SNX5: variants seen among roughly 807,000 people sequenced by gnomAD.
The protein encoded by SNX5 is sorting nexin 5.
SNX5 carries 31 observed loss-of-function variants against 53.9 expected under a neutral mutation model. That is an observed-to-expected ratio of 0.58 (90% confidence interval 0.43 to 0.78). SNX5 has a LOEUF of 0.78. SNX5 is among the 30% of genes least tolerant of loss of function. The probability of loss-of-function intolerance (pLI) is 0.00; values close to 1 mark genes in which losing one functional copy is unlikely to be tolerated. For missense variants in SNX5, 471 were observed against 478.8 expected (o/e 0.98, Z 0.15); for synonymous variants, 168 against 171.1 (o/e 0.98, Z 0.14).
In SNX5 at chr20:17,968,569, T is replaced by C. The variant is rs2122457024; in HGVS notation, c.-144A>G. On this transcript the variant is annotated 5_prime_UTR_variant, in exon 1 of 13. Coordinates refer to ENST00000377759, the MANE Select transcript of SNX5 (RefSeq NM_014426.4). Reference sequence around the variant, plus strand: ...CCCTGCCCGACGGCGGCAGGAGGCCTCCGGACTCCGCCACCATCCCAGCTG... The same window carrying C: ...CCCTGCCCGACGGCGGCAGGAGGCCCCCGGACTCCGCCACCATCCCAGCTG... 1.4e-6 allele frequency: 1 copy of C among 734,560 alleles called. No homozygotes were observed. Among genetic ancestry groups the C allele is most frequent in the Admixed American group, 2.6e-5 (1 of 38,284 alleles). The allele number at this position is 734,560 out of a possible 1,614,324, so 45.5% of individuals were successfully genotyped here.
chr20:17,963,842 T>G (rs12480850), intron 1 of SNX5, among the ~76,000 whole-genome samples: 38,256 of 152,172 alleles, frequency 0.25, 5,512 homozygotes, highest in East Asian at 0.44. Flanking sequence ...CTTGGTCATC[T>G]CAGTTTGAAA....
At chr20:17,947,841 T>C (rs960037722) in intron 10 of SNX5, among the ~76,000 whole-genome samples, 196 bp from the exon 11 acceptor site, 8 of 152,230 alleles carry the variant, frequency 5.3e-5, no homozygotes, top group Non-Finnish European at 8.8e-5. Flanking sequence ...TTTTTTAGAA[T>C]TCCTTATATG....
At chr20:17,966,983 A>T (rs1324894457) in intron 1 of SNX5, among the ~76,000 whole-genome samples, 2 of 152,194 alleles carry the variant, frequency 1.3e-5, no homozygotes, top group East Asian at 3.8e-4. Context: ...AAAGGAAAAC[A>T]ATGTCATGTA....
At chr20:17,961,973 TATTA>T in intron 1 of SNX5, 4 of 975,468 alleles carry the variant, frequency 4.1e-6, no homozygotes, top group Non-Finnish European at 4.9e-6. Flanking sequence ...TGTCCACAAA[TATTA>T]AAGATTCACA....
intron 1 of SNX5, chr20:17,961,626 C>T (rs1299370315): frequency 2.0e-6 from 2 of 984,100 alleles, no homozygotes; most frequent in African/African-American, 1.7e-5. Flanking sequence ...AAAAAAGACA[C>T]ATATCTATTT....
At chr20:17,962,168 C>A in intron 1 of SNX5, 8 of 162,026 alleles carry the variant, frequency 4.9e-5, no homozygotes, top group Non-Finnish European at 1.0e-4. Context: ...ACAACTGGTT[C>A]AACTAACTAT....
chr20:17,950,064 T>C (rs143199065), intron 8 of SNX5, 68 bp downstream of exon 8: 4 of 1,371,814 alleles, frequency 2.9e-6, no homozygotes, highest in South Asian at 2.4e-5. Flanking sequence ...TACTCATTTA[T>C]GCTTTTAATT....
rs1429918767 is a variant in SNX5 at position 17,942,035 on chromosome 20, G to A, written c.*322C>T. ...GGGTTTGTAGGGACATGGGCCAGGT[G>A]ATGGCTTCTACTTGTTTCCAGAAGG... On this transcript the variant is annotated 3_prime_UTR_variant, in exon 13 of 13. Coordinates refer to ENST00000377759, the MANE Select transcript of SNX5 (RefSeq NM_014426.4). 1 of 222,084 alleles carries A rather than the reference G, an allele frequency of 4.5e-6. No homozygotes were observed. Among genetic ancestry groups the A allele is most frequent in the Non-Finnish European group, 9.0e-6 (1 of 111,258 alleles). 13.8% of individuals were successfully genotyped at this position (222,084 alleles called of 1,614,324 possible). A position where few individuals can be genotyped will look rare whatever the true frequency, so the allele number is the denominator to read the frequency against.
intron 11 of SNX5, chr20:17,944,421 A>C (rs1028011304): frequency 7.2e-5 from 11 of 152,394 alleles, no homozygotes; most frequent in African/African-American, 2.6e-4. Flanking sequence ...ATGCAATACA[A>C]TGACTTGTCG....
chr20:17,954,278 T>C (rs1429199236), intron 3 of SNX5, 161 bp from the exon 4 acceptor site: 4 of 1,140,906 alleles, frequency 3.5e-6, no homozygotes, highest in Non-Finnish European at 4.8e-6. Context: ...CCTTAACTCT[T>C]CTGGACATTT....
intron 5 of SNX5, 68 bp from the exon 6 acceptor site, chr20:17,951,663 G>A (rs2039570546): frequency 1.9e-6 from 2 of 1,077,338 alleles, no homozygotes; most frequent in South Asian, 1.3e-5. Flanking sequence ...AAGAAGTTCT[G>A]AGTAACATTT....
intron 1 of SNX5, among the ~76,000 whole-genome samples, chr20:17,960,170 C>A (rs958720193): frequency 3.9e-5 from 6 of 152,168 alleles, no homozygotes; most frequent in African/African-American, 1.4e-4. Context: ...AGTTTTAAAA[C>A]TGACTTCTGG....
At chr20:17,949,230 A>G (rs894269489) in intron 8 of SNX5, 127 bp from the exon 9 acceptor site, 1 of 749,120 alleles carries the variant, frequency 1.3e-6, no homozygotes, top group Non-Finnish European at 2.2e-6. Flanking sequence ...CATTAATTTA[A>G]AAGTAGTGCT....
chr20:17,947,854 T>C (rs1600334667), intron 10 of SNX5, among the ~76,000 whole-genome samples: 1 of 152,234 alleles, frequency 6.6e-6, no homozygotes, highest in East Asian at 1.9e-4. Flanking sequence ...CTTATATGAA[T>C]CAAGTGATTA....
In SNX5 at chr20:17,952,612, T is replaced by A. The variant is rs752213767; in HGVS notation, c.488A>T (p.His163Leu). ...HPVLSKDRNF[H>L]VFLEYDQDLS... ...ATCCTGATCATATTCCAGGAAAACA[T>A]GAAAGTTGCGATCTTTACTGAGAAC... Residue 163 changes from histidine (H) to leucine (L), a missense_variant, in exon 5 of 13, where the codon CAT becomes CTT. Physicochemically the swap from His to Leu is moderately conservative, Grantham distance 99 (BLOSUM62 -3). Coordinates refer to ENST00000377759, the MANE Select transcript of SNX5 (RefSeq NM_014426.4). 1.2e-6 allele frequency: 2 copies of A among 1,613,892 alleles called. No homozygotes were observed. The highest frequency in any genetic ancestry group is 1.7e-6 in the Non-Finnish European group (2 of 1,179,948).
At chr20:17,967,393 TTAA>T (rs1445977225) in intron 1 of SNX5, among the ~76,000 whole-genome samples, 5 of 152,148 alleles carry the variant, frequency 3.3e-5, no homozygotes, top group African/African-American at 1.2e-4. Context: ...AAGCTCTATT[TTAA>T]TAATTAATGC....
intron 3 of SNX5, among the ~76,000 whole-genome samples, chr20:17,955,016 G>T (rs1179260526): frequency 2.0e-5 from 3 of 152,172 alleles, no homozygotes; most frequent in Non-Finnish European, 4.4e-5. Flanking sequence ...CAACTTTTGA[G>T]AAATCTTATC....
chr20:17,961,736 G>A (rs1404282322), intron 1 of SNX5: 1 of 985,228 alleles, frequency 1.0e-6, no homozygotes, highest in Non-Finnish European at 1.2e-6. Context: ...CTAGCCTCTA[G>A]GGATTTTGTT....
intron 5 of SNX5, 36 bp downstream of exon 5, chr20:17,952,551 G>GAT: frequency 1.9e-6 from 3 of 1,595,298 alleles, no homozygotes; most frequent in Non-Finnish European, 1.7e-6. Context: ...ATAAACATTT[G>GAT]AAGTGGATTA....
Sources: gnomAD v4.1 joint callset for allele counts (sites outside exome capture counted in the v4.1 genomes callset) on GRCh38, gnomAD v4.1.1 for gene constraint, MANE v1.5 for transcripts, NCBI Gene and HGNC (gene_info 2026-07-23, HGNC 2026-07-21) for gene names.